Variants in KCNH1 observed in about 807,000 individuals in gnomAD.
The protein encoded by KCNH1 is potassium voltage-gated channel subfamily H member 1, also known as voltage-gated delayed rectifier potassium channel KCNH1.
KCNH1 carries 27 observed loss-of-function variants against 69.2 expected under a neutral mutation model. That is an observed-to-expected ratio of 0.39 (90% confidence interval 0.29 to 0.54). The LOEUF (loss-of-function observed/expected upper bound fraction) is 0.54. KCNH1 is among the 20% of genes least tolerant of loss of function. The pLI, the probability that KCNH1 is intolerant of heterozygous loss-of-function variation, is 0.68. For synonymous variants in KCNH1, 456 were observed against 487.7 expected, an observed-to-expected ratio of 0.93 and a Z score of 0.86; for missense variants, 798 against 1,261.6, an observed-to-expected ratio of 0.63 and a Z score of 5.57.
At chr1:210,769,948 G>A (rs1683719274) in intron 10 of KCNH1, among the ~76,000 whole-genome samples, 1 of 152,162 alleles carries the variant, frequency 6.6e-6, no homozygotes, top group Admixed American at 6.5e-5. Context: ...GGTTCCTGCA[G>A]GTAATGTGTC....
intron 6 of KCNH1, among the ~76,000 whole-genome samples, chr1:210,938,436 A>C (rs1354063680): frequency 1.3e-5 from 2 of 152,226 alleles, no homozygotes; most frequent in Admixed American, 1.3e-4. Context: ...TTTTAAATTA[A>C]GTTATAAAAA....
At chr1:210,720,837 T>C (rs1013190552) in intron 10 of KCNH1, among the ~76,000 whole-genome samples, 1 of 152,162 alleles carries the variant, frequency 6.6e-6, no homozygotes, top group African/African-American at 2.4e-5. Context: ...TGCTCCTTTA[T>C]GTTGTCCAGG....
chr1:211,060,069 T>C (rs933849341), intron 5 of KCNH1, among the ~76,000 whole-genome samples: 4 of 151,978 alleles, frequency 2.6e-5, no homozygotes, highest in South Asian at 2.1e-4. Flanking sequence ...TGGAAATCAA[T>C]AACAAGAGGA....
At chr1:210,799,707 G>A (rs982006999) in intron 8 of KCNH1, among the ~76,000 whole-genome samples, 8 of 152,164 alleles carry the variant, frequency 5.3e-5, no homozygotes, top group East Asian at 1.9e-4. Flanking sequence ...CAGTGATGAC[G>A]TTTTCCTTGA....
At chr1:210,893,696 C>T (rs1686798579) in intron 7 of KCNH1, among the ~76,000 whole-genome samples, 1 of 152,016 alleles carries the variant, frequency 6.6e-6, no homozygotes, top group Non-Finnish European at 1.5e-5. Flanking sequence ...AAAGATTTCC[C>T]TCTCTCATCC....
rs145104095 is a variant in KCNH1, at chr1:211,066,652, T to C, written c.558+16128A>G. On this transcript the variant is annotated intron_variant, in intron 5 of 10. Transcript: ENST00000271751. ...CTGTCACTCTTCACAAATCTATGAG[T>C]ACATATTATCCTCATTTCAAATTAC... Among the ~76,000 whole-genome samples, 880 of 152,230 alleles carry C rather than the reference T, an allele frequency of 5.8e-3. 4 individuals are homozygous for C. Among genetic ancestry groups the C allele is most frequent in the Middle Eastern group, 0.017 (5 of 294 alleles).
At chr1:211,093,087 C>T (rs1356177777) in intron 3 of KCNH1, among the ~76,000 whole-genome samples, 1 of 152,146 alleles carries the variant, frequency 6.6e-6, no homozygotes, top group Non-Finnish European at 1.5e-5. Context: ...AGAACCCTCC[C>T]CTCCCAGCTG....
Position 211,057,558 on chromosome 1 carries a change from G to A in KCNH1, c.558+25222C>T, listed in dbSNP as rs138725893. 2.6e-3 allele frequency among the ~76,000 whole-genome samples: 392 copies of A among 152,172 alleles called. 1 individual carries two copies. Among genetic ancestry groups the A allele is most frequent in the South Asian group, 3.5e-3 (17 of 4,822 alleles). On this transcript the variant is annotated intron_variant, in intron 5 of 10. Coordinates refer to ENST00000271751, the MANE Select transcript of KCNH1 (RefSeq NM_172362.3). ...GGAGGCTGAGGTGAGAGGATCGCTC[G>A]AGCCCAGGAGGTTAAGGTTGCAGTG...
chr1:210,917,520 C>T (rs1005082534), intron 7 of KCNH1, among the ~76,000 whole-genome samples: 2 of 152,106 alleles, frequency 1.3e-5, no homozygotes, highest in African/African-American at 4.8e-5. Flanking sequence ...AACTACTTAC[C>T]CTTATTATAT....
At chr1:210,982,987 T>C (rs948813112) in intron 6 of KCNH1, among the ~76,000 whole-genome samples, 2 of 152,218 alleles carry the variant, frequency 1.3e-5, no homozygotes, top group Admixed American at 6.5e-5. Flanking sequence ...TAGTAACTCA[T>C]TGTGGTTTTG....
chr1:210,933,583 G>T (rs997315006), intron 6 of KCNH1, among the ~76,000 whole-genome samples: 7 of 151,396 alleles, frequency 4.6e-5, no homozygotes, highest in Non-Finnish European at 1.0e-4. Context: ...TACAAAAAAT[G>T]AATGAAATGA....
chr1:210,832,264 G>C (rs1036169882), intron 7 of KCNH1, among the ~76,000 whole-genome samples: 1 of 152,162 alleles, frequency 6.6e-6, no homozygotes, highest in African/African-American at 2.4e-5. Flanking sequence ...TCTTATCTGA[G>C]CCTGCTTAGA....
chr1:210,705,964 A>G (rs992628426), intron 10 of KCNH1, among the ~76,000 whole-genome samples: 7 of 152,140 alleles, frequency 4.6e-5, no homozygotes, highest in Non-Finnish European at 1.0e-4. Flanking sequence ...TGCATATTGT[A>G]TTTTACTTTA....
intron 7 of KCNH1, among the ~76,000 whole-genome samples, chr1:210,897,005 G>GCTTCATA (rs1357654254): frequency 1.3e-5 from 2 of 152,140 alleles, no homozygotes; most frequent in African/African-American, 4.8e-5. Context: ...CCTGTGACTG[G>GCTTCATA]CTTCATACCT....
At chr1:211,081,579 T>C (rs551143356) in intron 5 of KCNH1, among the ~76,000 whole-genome samples, 1 of 152,314 alleles carries the variant, frequency 6.6e-6, no homozygotes, top group South Asian at 2.1e-4. Flanking sequence ...CAAATGTCCA[T>C]CAATGATAGG....
At chr1:211,027,477 G>T (rs1297494597) in intron 5 of KCNH1, among the ~76,000 whole-genome samples, 2 of 151,930 alleles carry the variant, frequency 1.3e-5, no homozygotes, top group Non-Finnish European at 2.9e-5. Context: ...GGTGGTACAT[G>T]CCTGTAGTTT....
Position 211,018,792 on chromosome 1 carries a change from T to C in KCNH1, c.1023A>G (p.Arg341=). Residue 341 remains arginine (R), a synonymous_variant, in exon 6 of 11, where the codon AGA becomes AGG. Transcript: ENST00000271751. ...ADQIPPPLEG[R]ESQGISSLFS... The stretch of plus-strand genomic sequence containing the variant: ...GATTTGAGGGATGTACCTGACTCTC[T>C]CTCCCCTCCAGTGGTGGTGGAATCT... 6.2e-7 allele frequency: 1 copy of C among 1,603,950 alleles called. No homozygotes were observed. Among genetic ancestry groups the C allele is most frequent in the Non-Finnish European group, 8.5e-7 (1 of 1,174,468 alleles).
intron 7 of KCNH1, among the ~76,000 whole-genome samples, chr1:210,899,482 ACT>A (rs1250533191): frequency 8.1e-6 from 1 of 124,054 alleles, no homozygotes; most frequent in Non-Finnish European, 1.6e-5. Flanking sequence ...TATATATCTC[ACT>A]TATGAGATAT....
chr1:210,953,393 T>C (rs1688100327), intron 6 of KCNH1, among the ~76,000 whole-genome samples: 1 of 152,194 alleles, frequency 6.6e-6, no homozygotes, highest in Non-Finnish European at 1.5e-5. Context: ...TTCTATTAGA[T>C]ATACCAAAAG....
Sources: allele counts gnomAD v4.1 joint callset (sites outside exome capture counted in the v4.1 genomes callset), GRCh38; gene constraint gnomAD v4.1.1; transcripts MANE v1.5; gene names NCBI Gene and HGNC (gene_info 2026-07-23, HGNC 2026-07-21).